The following H2BC12 variants were observed in gnomAD, a reference collection of about 807,000 sequenced individuals.
H2BC12 encodes the protein H2B clustered histone 12.
Under a neutral mutation model 6.3 loss-of-function variants are expected in H2BC12, and 6 were observed. That is an observed-to-expected ratio of 0.95 (90% CI 0.52 to 1.87). H2BC12 has a LOEUF of 1.87. H2BC12 is among the 40% of genes most tolerant of loss of function. The pLI is 0.01. For synonymous variants in H2BC12, 132 were observed against 78.5 expected, an observed-to-expected ratio of 1.68 and a Z score of -3.60; for missense variants, 119 against 178.4, an observed-to-expected ratio of 0.67 and a Z score of 1.90.
downstream of H2BC12, among the ~76,000 whole-genome samples, chr6:27,145,511 T>G (rs1246341764): frequency 6.6e-6 from 1 of 152,168 alleles, no homozygotes; most frequent in African/African-American, 2.4e-5. Context: ...ACCCACCACC[T>G]AATTCTAACC....
At position 27,146,412 on chromosome 6, in the gene H2BC12, G is replaced by A; in HGVS notation, c.*6C>T. On this transcript the variant is annotated 3_prime_UTR_variant, in exon 1 of 1. Transcript: ENST00000356950. ...GGTTGGGCTTTAAGACGCTTACTTGGCAAGTTTACTTAGCGCTGGTGTACT... is the reference window on the plus strand; with the variant it reads ...GGTTGGGCTTTAAGACGCTTACTTGACAAGTTTACTTAGCGCTGGTGTACT... 4 of 1,614,208 alleles carry A rather than the reference G, an allele frequency of 2.5e-6. No individual in the cohort carries two copies. Among genetic ancestry groups the A allele is most frequent in the Non-Finnish European group, 3.4e-6 (4 of 1,180,034 alleles).
the H2BC12 span, among the ~76,000 whole-genome samples, chr6:27,140,304 C>T: frequency 9.9e-5 from 15 of 152,004 alleles, no homozygotes; most frequent in South Asian, 2.1e-4. Flanking sequence ...CTAGAATTAA[C>T]TAATATTCTA....
At chr6:27,140,641 G>C in the H2BC12 span, among the ~76,000 whole-genome samples, 3 of 151,452 alleles carry the variant, frequency 2.0e-5, no homozygotes, top group Non-Finnish European at 2.9e-5. Flanking sequence ...TTGCTTTCCA[G>C]GGTAGTATTT....
At chr6:27,139,854 C>A in the H2BC12 span, 3 of 625,752 alleles carry the variant, frequency 4.8e-6, no homozygotes, top group Non-Finnish European at 5.2e-6. Context: ...CCAGTAACTT[C>A]TGGCGGCTGC....
chr6:27,146,679 T>C lies in H2BC12; in HGVS notation c.120A>G (p.Val40=), dbSNP rs139889230. 6.1e-4 allele frequency: 983 copies of C among 1,614,136 alleles called. 3 individuals are homozygous for C. The African/African-American group carries it at 0.012, about 20-fold the overall frequency. ...RKRSRKESYS[V]YVYKVLKQVH... ...CCTGCTTCAGCACCTTGTACACGTATACGGAGTAGCTCTCCTTGCGGCTGC... is the reference window on the plus strand; with the variant it reads ...CCTGCTTCAGCACCTTGTACACGTACACGGAGTAGCTCTCCTTGCGGCTGC... The change falls in exon 1 of 1, where the codon GTA becomes GTG. Residue 40 remains valine (V), a synonymous_variant. Transcript: ENST00000356950.
downstream of H2BC12, among the ~76,000 whole-genome samples, chr6:27,144,522 G>C (rs1760046981): frequency 6.7e-6 from 1 of 149,768 alleles, no homozygotes; most frequent in Non-Finnish European, 1.5e-5. Flanking sequence ...TCATTTTGAA[G>C]GGAGAAAAGG....
In H2BC12 at chr6:27,146,402, C is replaced by T. The variant is rs760700467; in HGVS notation, c.*16G>A. 9 of 1,614,170 alleles carry T rather than the reference C, an allele frequency of 5.6e-6. No homozygotes were observed. Among genetic ancestry groups the T allele is most frequent in the East Asian group, 2.2e-5 (1 of 44,888 alleles). On this transcript the variant is annotated 3_prime_UTR_variant, in exon 1 of 1. Transcript: ENST00000356950. ...GAGCCTTTGGGGTTGGGCTTTAAGA[C>T]GCTTACTTGGCAAGTTTACTTAGCG...
chr6:27,138,408 A>G, the H2BC12 span, among the ~76,000 whole-genome samples: 2 of 152,350 alleles, frequency 1.3e-5, no homozygotes, highest in East Asian at 3.9e-4. Context: ...GCAAAAGAGG[A>G]GATGGGTAAT....
the H2BC12 span, chr6:27,139,331 G>C: frequency 3.6e-5 from 58 of 1,612,544 alleles, no homozygotes; most frequent in African/African-American, 7.5e-4. Flanking sequence ...GGCAAAGGAG[G>C]TAAGGGCCTG....
At position 27,146,775 on chromosome 6, in the gene H2BC12, A is replaced by C. The variant is rs142147669; in HGVS notation, c.24T>G (p.Ala8=). The C allele has an allele frequency of 6.2e-7, 1 of 1,614,022 alleles. No homozygotes were observed. Among genetic ancestry groups the C allele is most frequent in the Non-Finnish European group, 8.5e-7 (1 of 1,180,004 alleles). Residue 8 remains alanine (A), a synonymous_variant, in exon 1 of 1, where the codon GCT becomes GCG. Transcript: ENST00000356950. ...TCTTCGAGCCCTTCTTGGGCGCGGGAGCGGACTTCGCTGGTTCCGGCATGT... is the reference window on the plus strand; with the variant it reads ...TCTTCGAGCCCTTCTTGGGCGCGGGCGCGGACTTCGCTGGTTCCGGCATGT... The part of the protein sequence containing the change: MPEPAKS[A]PAPKKGSKKA...
At chr6:27,139,345 A>G in the H2BC12 span, 1 of 1,613,624 alleles carries the variant, frequency 6.2e-7, no homozygotes, top group Non-Finnish European at 8.5e-7. Flanking sequence ...GGGCCTGGGG[A>G]AAGGGGGTGC....
chr6:27,141,041 A>G, the H2BC12 span, among the ~76,000 whole-genome samples: 1 of 151,132 alleles, frequency 6.6e-6, no homozygotes, highest in Admixed American at 6.6e-5. Context: ...TACAGGCATC[A>G]ATCTGGGGGA....
the H2BC12 span, among the ~76,000 whole-genome samples, chr6:27,138,387 C>CG: frequency 6.6e-6 from 1 of 152,166 alleles, no homozygotes; most frequent in Non-Finnish European, 1.5e-5. Context: ...CTTATATACT[C>CG]TTTCTCAGAG....
chr6:27,139,708 T>G, the H2BC12 span: 2 of 1,494,218 alleles, frequency 1.3e-6, no homozygotes, highest in Non-Finnish European at 1.8e-6. Context: ...GACTGCAAAC[T>G]GAGTCTCTTA....
At chr6:27,139,576 G>A in the H2BC12 span, 12 of 1,613,836 alleles carry the variant, frequency 7.4e-6, no homozygotes, top group Non-Finnish European at 1.0e-5. Context: ...CGTGGTCTAC[G>A]CGCTCAAGCG....
chr6:27,141,045 TG>T, the H2BC12 span, among the ~76,000 whole-genome samples: 5 of 149,864 alleles, frequency 3.3e-5, no homozygotes, highest in African/African-American at 1.2e-4. Context: ...GGCATCAATC[TG>T]GGGGAAAAAA....
At chr6:27,139,762 T>G in the H2BC12 span, 1 of 1,340,772 alleles carries the variant, frequency 7.5e-7, no homozygotes, top group Non-Finnish European at 1.0e-6. Context: ...TTTTACAAGA[T>G]TAACTCGACG....
chr6:27,144,630 G>C (rs1365295793), downstream of H2BC12, among the ~76,000 whole-genome samples: 1 of 151,690 alleles, frequency 6.6e-6, no homozygotes, highest in African/African-American at 2.4e-5. Flanking sequence ...AGAGCAAAAA[G>C]GACTGAAAGT....
At chr6:27,144,535 T>C (rs1457244974), downstream of H2BC12, among the ~76,000 whole-genome samples, 1 of 119,486 alleles carries the variant, frequency 8.4e-6, no homozygotes, top group Non-Finnish European at 1.6e-5. Context: ...AGAAAAGGGG[T>C]GAGGGTGAAA....
Sources: allele counts gnomAD v4.1 joint callset (sites outside exome capture counted in the v4.1 genomes callset), GRCh38; gene constraint gnomAD v4.1.1; transcripts MANE v1.5; gene names NCBI Gene and HGNC (gene_info 2026-07-23, HGNC 2026-07-21).